TRPM6: variants seen among roughly 807,000 people sequenced by gnomAD.
The protein encoded by TRPM6 is transient receptor potential cation channel subfamily M member 6.
A neutral mutation model predicts 247.6 loss-of-function variants in TRPM6; 111 were observed. The ratio of observed to expected loss-of-function variants is 0.45; its 90% CI spans 0.38 to 0.52. The LOEUF is 0.52. Ranked by LOEUF, TRPM6 falls within the 20% of genes least tolerant of loss-of-function variation. The probability of loss-of-function intolerance (pLI) is 0.00; values close to 1 mark genes in which losing one functional copy is unlikely to be tolerated. For synonymous variants in TRPM6, 892 were observed against 853.8 expected (o/e 1.04, Z -0.78); for missense variants, 2,126 against 2,421.5 (o/e 0.88, Z 2.56).
intron 3 of TRPM6, among the ~76,000 whole-genome samples, chr9:74,846,016 C>T (rs576408187): frequency 3.2e-4 from 49 of 151,922 alleles, no homozygotes; most frequent in African/African-American, 1.2e-3. Context: ...AATATCCTCC[C>T]TAGGAAATCA....
At chr9:74,749,827 G>T (rs1826177366) in intron 30 of TRPM6, among the ~76,000 whole-genome samples, 1 of 152,142 alleles carries the variant, frequency 6.6e-6, no homozygotes, top group Admixed American at 6.5e-5. Context: ...CTGGAGGCAG[G>T]CTTGCACAGG....
At chr9:74,765,689 T>C (rs1826804757) in intron 25 of TRPM6, among the ~76,000 whole-genome samples, 1 of 152,070 alleles carries the variant, frequency 6.6e-6, no homozygotes. Context: ...CCATGAAGAG[T>C]TTAACACTCA....
At chr9:74,727,574 C>T (rs2118675113) in intron 38 of TRPM6, among the ~76,000 whole-genome samples, 1 of 152,052 alleles carries the variant, frequency 6.6e-6, no homozygotes, top group South Asian at 2.1e-4. Context: ...CCGGTGTGAC[C>T]AAAAGTAGTG....
chr9:74,778,235 T>C (rs1827295455), intron 23 of TRPM6, among the ~76,000 whole-genome samples: 1 of 152,200 alleles, frequency 6.6e-6, no homozygotes, highest in African/African-American at 2.4e-5. Flanking sequence ...GGGGTCGCCC[T>C]GCTAGTGACA....
Position 74,803,790 on chromosome 9 carries a change from GT to G in TRPM6, c.1731+3del. On this transcript the variant is annotated splice_donor_region_variant and intron_variant, in intron 15 of 38. Transcript: ENST00000360774. ...TTTCAAGTTGAAAAACAAGTAAATGGTACCTTGAATTTGTATGGCTGTGCAG... is the reference window on the plus strand; with the variant it reads ...TTTCAAGTTGAAAAACAAGTAAATGGACCTTGAATTTGTATGGCTGTGCAG... 2 of 1,597,560 alleles carry G rather than the reference GT, an allele frequency of 1.3e-6. No homozygotes were observed. Among genetic ancestry groups the G allele is most frequent in the Non-Finnish European group, 1.7e-6 (2 of 1,164,954 alleles).
chr9:74,800,317 G>A lies in TRPM6; in HGVS notation c.2175C>T (p.Thr725=). The change falls in exon 17 of 39, where the codon ACC becomes ACT. Residue 725 remains threonine (T), a synonymous_variant. Transcript: ENST00000360774. The part of the protein sequence containing the change: ...GLRPFVSHTC[T]QMLLTDMWMG... ...TCCACATGTCTGTCAGTAGCATCTGGGTACAAGTATGTGAAACAAAGGGTC... is the reference window on the plus strand; with the variant it reads ...TCCACATGTCTGTCAGTAGCATCTGAGTACAAGTATGTGAAACAAAGGGTC... The A allele has an allele frequency of 6.2e-7, 1 of 1,614,094 alleles. No individual in the cohort carries two copies. Among genetic ancestry groups the A allele is most frequent in the East Asian group, 2.2e-5 (1 of 44,876 alleles).
rs1056282034 is a variant in TRPM6 at position 74,744,239 on chromosome 9, G to A, written c.5084-94C>T. On this transcript the variant is annotated intron_variant, in intron 31 of 38. Transcript: ENST00000360774. Reference sequence around the variant, plus strand: ...TGCCTTCAAAGTTATTATTGAACAGGTTAATCAGAATGGCTTCTCAGTATT... The same window carrying A: ...TGCCTTCAAAGTTATTATTGAACAGATTAATCAGAATGGCTTCTCAGTATT... The A allele has an allele frequency of 2.9e-6, 4 of 1,361,168 alleles. No individual in the cohort carries two copies. The African/African-American group carries it at 4.3e-5, about 15-fold the overall frequency. 84.3% of individuals were successfully genotyped at this position (1,361,168 alleles called of 1,614,324 possible).
chr9:74,791,358 C>G (rs565317653), intron 19 of TRPM6, among the ~76,000 whole-genome samples: 1 of 152,264 alleles, frequency 6.6e-6, no homozygotes, highest in Admixed American at 6.5e-5. Context: ...AGATAAATAT[C>G]CTTTTACAGT....
At chr9:74,786,242 C>G in intron 20 of TRPM6, 117 bp from the exon 21 acceptor site, 1 of 1,099,908 alleles carries the variant, frequency 9.1e-7, no homozygotes, top group Non-Finnish European at 1.3e-6. Flanking sequence ...CCTGCCAAAC[C>G]TTAAATCACT....
chr9:74,732,917 G>C (rs1214398197), intron 36 of TRPM6, among the ~76,000 whole-genome samples, 181 bp from the exon 37 acceptor site: 1 of 152,134 alleles, frequency 6.6e-6, no homozygotes, highest in Non-Finnish European at 1.5e-5. Flanking sequence ...AATCTGGCTG[G>C]GCGCGGTGGC....
At chr9:74,834,253 G>T in intron 5 of TRPM6, 131 bp from the exon 6 acceptor site, 2 of 1,086,148 alleles carry the variant, frequency 1.8e-6, no homozygotes, top group Non-Finnish European at 2.7e-6. Context: ...CTGGTACAGT[G>T]GAATTAGTTT....
chr9:74,772,876 C>T (rs766051560), intron 24 of TRPM6, among the ~76,000 whole-genome samples: 3 of 152,144 alleles, frequency 2.0e-5, no homozygotes, highest in Non-Finnish European at 4.4e-5. Flanking sequence ...TTTCCTCTCT[C>T]GGCTTTGGAG....
At chr9:74,785,642 C>T (rs977172838) in intron 21 of TRPM6, among the ~76,000 whole-genome samples, 2 of 152,148 alleles carry the variant, frequency 1.3e-5, no homozygotes, top group African/African-American at 2.4e-5. Context: ...CCCGCCTCAG[C>T]CTCCTGAGTA....
At chr9:74,870,918 G>C (rs1831003843) in intron 1 of TRPM6, among the ~76,000 whole-genome samples, 1 of 151,670 alleles carries the variant, frequency 6.6e-6, no homozygotes, top group African/African-American at 2.4e-5. Flanking sequence ...AGGTGACAGA[G>C]AGATACTCCG....
intron 9 of TRPM6, among the ~76,000 whole-genome samples, chr9:74,818,151 T>C (rs1455109867): frequency 6.6e-6 from 1 of 152,118 alleles, no homozygotes; most frequent in East Asian, 1.9e-4. Flanking sequence ...ATTATTCTGC[T>C]TGATGGCAAG....
chr9:74,824,585 AAAAATGT>A (rs1328319611), intron 7 of TRPM6, among the ~76,000 whole-genome samples: 1 of 151,072 alleles, frequency 6.6e-6, no homozygotes, highest in Non-Finnish European at 1.5e-5. Context: ...TTAAAAAGAA[AAAAATGT>A]AAAATTCTTG....
chr9:74,879,886 A>T (rs1177564788), intron 1 of TRPM6, among the ~76,000 whole-genome samples: 1 of 152,250 alleles, frequency 6.6e-6, no homozygotes, highest in Non-Finnish European at 1.5e-5. Flanking sequence ...AGAGGAGGTC[A>T]TGGGAACCCC....
chr9:74,751,112 G>A (rs1826228856), intron 29 of TRPM6, among the ~76,000 whole-genome samples: 1 of 152,148 alleles, frequency 6.6e-6, no homozygotes, highest in Admixed American at 6.6e-5. Context: ...AGACAACACG[G>A]ATCATCACAT....
intron 3 of TRPM6, among the ~76,000 whole-genome samples, chr9:74,848,418 G>A (rs896696261): frequency 6.6e-6 from 1 of 152,162 alleles, no homozygotes; most frequent in African/African-American, 2.4e-5. Flanking sequence ...AATGATTCGT[G>A]TCCTAGGTTG....
Sources: gnomAD v4.1 joint callset for allele counts (sites outside exome capture counted in the v4.1 genomes callset) on GRCh38, gnomAD v4.1.1 for gene constraint, MANE v1.5 for transcripts, NCBI Gene and HGNC (gene_info 2026-07-23, HGNC 2026-07-21) for gene names.